Variants in SKIC3 observed in about 807,000 individuals in gnomAD.
SKIC3 encodes superkiller complex protein 3.
At chr5:95,526,253 T>C in the SKIC3 span, among the ~76,000 whole-genome samples, 1 of 152,164 alleles carries the variant, frequency 6.6e-6, no homozygotes, top group Non-Finnish European at 1.5e-5. Context: ...TCCTTCTCTT[T>C]TTTTTTTCTT....
the SKIC3 span, among the ~76,000 whole-genome samples, chr5:95,530,960 G>A: frequency 6.6e-6 from 1 of 151,760 alleles, no homozygotes; most frequent in South Asian, 2.1e-4. Context: ...AGAATAAATT[G>A]TGAATAGCAT....
the SKIC3 span, chr5:95,464,630 T>C: frequency 5.0e-6 from 8 of 1,613,154 alleles, no homozygotes; most frequent in Middle Eastern, 3.3e-4. Flanking sequence ...AATCTCTGAT[T>C]CAGTTCCAAT....
the SKIC3 span, among the ~76,000 whole-genome samples, chr5:95,537,772 C>G: frequency 6.6e-6 from 1 of 152,108 alleles, no homozygotes; most frequent in African/African-American, 2.4e-5. Context: ...TGGTATAAAG[C>G]ACTTCATACC....
chr5:95,470,993 CAA>C, the SKIC3 span, among the ~76,000 whole-genome samples: 25 of 152,042 alleles, frequency 1.6e-4, no homozygotes, highest in Admixed American at 2.6e-4. Flanking sequence ...TATAGTGAGT[CAA>C]TATATATAGT....
At chr5:95,540,763 T>G in the SKIC3 span, 4 of 1,614,050 alleles carry the variant, frequency 2.5e-6, no homozygotes, top group Non-Finnish European at 3.4e-6. Flanking sequence ...CCATAGTTGA[T>G]GAAGCTCTTC....
the SKIC3 span, among the ~76,000 whole-genome samples, chr5:95,506,262 C>T: frequency 7.2e-5 from 11 of 152,256 alleles, no homozygotes; most frequent in African/African-American, 1.9e-4. Flanking sequence ...CTAAGGTCTG[C>T]CAGGTAGCTC....
the SKIC3 span, among the ~76,000 whole-genome samples, chr5:95,542,995 TAAAC>T: frequency 2.6e-5 from 4 of 152,182 alleles, no homozygotes; most frequent in African/African-American, 7.2e-5. Context: ...TAAATAGTGT[TAAAC>T]AACATCCTTT....
At chr5:95,490,808 A>AT in the SKIC3 span, 3 of 1,503,070 alleles carry the variant, frequency 2.0e-6, no homozygotes, top group Non-Finnish European at 1.8e-6. Context: ...TAATGAATAT[A>AT]TTTTTTATAA....
At chr5:95,516,488 T>C in the SKIC3 span, 2 of 1,612,842 alleles carry the variant, frequency 1.2e-6, no homozygotes, top group Non-Finnish European at 1.7e-6. Flanking sequence ...AATACTAAAT[T>C]TTGAAGTTCT....
the SKIC3 span, chr5:95,507,007 T>C: frequency 1.2e-6 from 2 of 1,611,780 alleles, no homozygotes; most frequent in South Asian, 2.2e-5. Flanking sequence ...AACAACAAAA[T>C]TGCCCTTAAA....
At chr5:95,478,504 C>G in the SKIC3 span, 1 of 1,595,226 alleles carries the variant, frequency 6.3e-7, no homozygotes, top group Non-Finnish European at 8.6e-7. Context: ...TCTGTTACCC[C>G]TACTTCCAAC....
chr5:95,484,714 C>T, the SKIC3 span: 1 of 1,613,954 alleles, frequency 6.2e-7, no homozygotes, highest in Non-Finnish European at 8.5e-7. Flanking sequence ...ATGCACATTC[C>T]ATAAAATACC....
chr5:95,550,750 C>T, the SKIC3 span: 1 of 152,436 alleles, frequency 6.6e-6, no homozygotes, highest in Non-Finnish European at 1.5e-5. Context: ...TTTCATAATT[C>T]ATAATTTAAA....
the SKIC3 span, chr5:95,516,681 A>G: frequency 1.2e-6 from 2 of 1,613,450 alleles, no homozygotes; most frequent in African/African-American, 1.3e-5. Flanking sequence ...CCACTGTAAC[A>G]TGCAACCACA....
the SKIC3 span, chr5:95,467,934 T>C: frequency 3.7e-6 from 6 of 1,613,634 alleles, no homozygotes; most frequent in Non-Finnish European, 5.1e-6. Context: ...GTTGATGCAA[T>C]AGATTTGGGA....
At chr5:95,494,533 G>A in the SKIC3 span, 1 of 778,086 alleles carries the variant, frequency 1.3e-6, no homozygotes, top group Admixed American at 2.3e-5. Context: ...CCAAACTCCT[G>A]TTGTAGAAGA....
the SKIC3 span, among the ~76,000 whole-genome samples, chr5:95,553,642 C>G: frequency 2.0e-5 from 3 of 152,272 alleles, no homozygotes; most frequent in Admixed American, 1.3e-4. Context: ...TCACTGCAAC[C>G]TCCACCTCCT....
the SKIC3 span, among the ~76,000 whole-genome samples, chr5:95,480,059 C>T: frequency 4.6e-5 from 7 of 151,858 alleles, no homozygotes; most frequent in South Asian, 2.1e-4. Flanking sequence ...TAAAAATAAA[C>T]CTTAACTCCT....
chr5:95,470,200 G>A, the SKIC3 span, among the ~76,000 whole-genome samples: 4 of 151,976 alleles, frequency 2.6e-5, no homozygotes, highest in Non-Finnish European at 5.9e-5. Flanking sequence ...GGATGGTCTC[G>A]ATCTCCTGAC....
Sources: allele counts gnomAD v4.1 joint callset (sites outside exome capture counted in the v4.1 genomes callset), GRCh38; gene constraint gnomAD v4.1.1; transcripts MANE v1.5; gene names NCBI Gene and HGNC (gene_info 2026-07-23, HGNC 2026-07-21).